The following STRN4 variants were observed in gnomAD, a reference collection of about 807,000 sequenced individuals.
The protein encoded by STRN4 is striatin 4.
STRN4 carries 27 observed loss-of-function variants against 77.9 expected under a neutral mutation model. The observed-to-expected ratio is 0.35, with a 90% CI of 0.26 to 0.48. STRN4 has a LOEUF of 0.48. STRN4 is among the 20% of genes least tolerant of loss of function. STRN4 has a pLI of 0.99. For missense variants in STRN4, 798 were observed against 1,049.7 expected, an observed-to-expected ratio of 0.76 and a Z score of 3.31; for synonymous variants, 466 against 443.1, an observed-to-expected ratio of 1.05 and a Z score of -0.65.
chr19:46,726,127 G>A (rs1004507298), intron 9 of STRN4: 2 of 162,632 alleles, frequency 1.2e-5, no homozygotes, highest in Non-Finnish European at 2.7e-5. Context: ...AGGCCCTGAG[G>A]CAGCAAGGGC....
At chr19:46,745,425 A>G (rs1247307322) in intron 1 of STRN4, among the ~76,000 whole-genome samples, 1 of 152,122 alleles carries the variant, frequency 6.6e-6, no homozygotes, top group Non-Finnish European at 1.5e-5. Flanking sequence ...AGGGGAAGGC[A>G]CACACCTTCA....
At position 46,720,523 on chromosome 19, in the gene STRN4, T is replaced by A; in HGVS notation, c.*66+13A>T. On this transcript the variant is annotated intron_variant, in intron 17 of 17. Transcript: ENST00000263280. ...GCGTGCAGAGACTCAGAATGCGGGG[T>A]TTCTGCCCTCACCTCAGCCCCACCT... 1 of 1,433,104 alleles carries A rather than the reference T, an allele frequency of 7.0e-7. No homozygotes were observed. The highest frequency in any genetic ancestry group is 9.2e-7 in the Non-Finnish European group (1 of 1,090,938). The allele number at this position is 1,433,104 out of a possible 1,614,324, so 88.8% of individuals were successfully genotyped here. A position where few individuals can be genotyped will look rare whatever the true frequency, so the allele number is the denominator to read the frequency against.
In STRN4 at chr19:46,738,170, C is replaced by T; in HGVS notation, c.454G>A (p.Glu152Lys). 1 of 1,614,190 alleles carries T rather than the reference C, an allele frequency of 6.2e-7. No homozygotes were observed. Among genetic ancestry groups the T allele is most frequent in the Non-Finnish European group, 8.5e-7 (1 of 1,180,006 alleles). ...AGCATCAGAGGGTGGGTACCTTGTT[C>T]TGACACATCTGCTTTCTTCTCCCCC... ...NQGEKKADVS[E>K]QVSNGPVESV... The change falls in exon 3 of 18, where the codon GAA (glutamate) becomes AAA (lysine). Residue 152 changes from glutamate (E) to lysine (K), a missense_variant. Transcript: ENST00000263280. This position sits in a 1 kb window ranked among gnomAD's most constrained non-coding sequence, Gnocchi z 4.5.
At chr19:46,722,487 C>G in intron 14 of STRN4, 147 bp from the exon 15 acceptor site, 2 of 878,964 alleles carry the variant, frequency 2.3e-6, no homozygotes, top group South Asian at 3.1e-5. Flanking sequence ...GGTCCCCGAC[C>G]GCAGCGCTGG....
At chr19:46,725,808 G>T in intron 9 of STRN4, 160 bp from the exon 10 acceptor site, 1 of 884,904 alleles carries the variant, frequency 1.1e-6, no homozygotes, top group Non-Finnish European at 1.7e-6. Flanking sequence ...CCCTTCCTCT[G>T]CTGGGCAGAG....
Position 46,725,484 on chromosome 19 carries a change from G to A in STRN4, c.1413C>T (p.Val471=). ...CTTGCTGCCCTCACTTCTTGGCCGT[G>A]ACCGCCTTCTGCAGGTTCCAGAGCT... ...TLKLWNLQKA[V]TAKKNAALDV... The change falls in exon 10 of 18, where the codon GTC becomes GTT. Residue 471 remains valine, a synonymous_variant. Transcript: ENST00000263280. The A allele has an allele frequency of 6.2e-7, 1 of 1,613,920 alleles. No homozygotes were observed.
chr19:46,730,041 G>A (rs1216717505), intron 6 of STRN4, among the ~76,000 whole-genome samples: 3 of 152,198 alleles, frequency 2.0e-5, no homozygotes, highest in East Asian at 1.9e-4. Flanking sequence ...CAAACACCAC[G>A]GATGATTCCT....
intron 16 of STRN4, 124 bp from the exon 17 acceptor site, chr19:46,720,895 ACCC>A (rs907517723): frequency 5.1e-6 from 6 of 1,169,022 alleles, no homozygotes; most frequent in Non-Finnish European, 6.8e-6. Context: ...CTCCTCTCTC[ACCC>A]TCTGCTCATC....
chr19:46,723,510 G>A lies in STRN4; in HGVS notation c.1595-226C>T, dbSNP rs2054031762. Among the ~76,000 whole-genome samples the A allele has an allele frequency of 6.6e-6, 1 of 152,174 alleles. No individual in the cohort carries two copies. Among genetic ancestry groups the A allele is most frequent in the African/African-American group, 2.4e-5 (1 of 41,450 alleles). On this transcript the variant is annotated intron_variant, in intron 12 of 17. Transcript: ENST00000263280. The surrounding 1 kb of genome is among the most constrained non-coding windows in gnomAD (Gnocchi z 5.5). ...AAGGTTCTAGGGCTCCAGAAGGCAG[G>A]GATTTCCCTCTATTCACAGCTGTCT...
chr19:46,738,014 G>A lies in STRN4; in HGVS notation c.460+150C>T, dbSNP rs1432655610. Reference sequence around the variant, plus strand: ...CCTGGCAGCCCATAGGGAGGGCTCTGAGAGTGAGATTCCGCCCCTCCCCAG... The same window carrying A: ...CCTGGCAGCCCATAGGGAGGGCTCTAAGAGTGAGATTCCGCCCCTCCCCAG... On this transcript the variant is annotated intron_variant, in intron 3 of 17. Transcript: ENST00000263280. This position sits in a 1 kb window ranked among gnomAD's most constrained non-coding sequence, Gnocchi z 4.5. 1.0e-5 allele frequency: 8 copies of A among 782,160 alleles called. No homozygotes were observed. Among genetic ancestry groups the A allele is most frequent in the East Asian group, 2.6e-5 (1 of 37,820 alleles). The allele number at this position is 782,160 out of a possible 1,614,324, so 48.5% of individuals were successfully genotyped here.
intron 3 of STRN4, 131 bp from the exon 4 acceptor site, chr19:46,737,032 G>A: frequency 1.4e-6 from 1 of 740,592 alleles, no homozygotes; most frequent in South Asian, 1.8e-5. Context: ...CTTCCTGAGT[G>A]TTGGAACCCT....
chr19:46,730,644 C>A, intron 6 of STRN4, 88 bp downstream of exon 6: 1 of 1,556,914 alleles, frequency 6.4e-7, no homozygotes, highest in Non-Finnish European at 8.7e-7. Context: ...GCACACACCG[C>A]AGCCCCTGAA....
intron 16 of STRN4, chr19:46,721,699 C>T (rs2053980850): frequency 5.1e-6 from 2 of 390,158 alleles, no homozygotes. Flanking sequence ...CTTCAATGGC[C>T]AAGTTACAAA....
Position 46,733,945 on chromosome 19 carries a change from A to C in STRN4, c.540-709T>G, listed in dbSNP as rs2054306742. ...TGGGGTATCTGTGGCTTCAAAATACAGCGACAACAGTCCCTTGCTACTCCT... is the reference window on the plus strand; with the variant it reads ...TGGGGTATCTGTGGCTTCAAAATACCGCGACAACAGTCCCTTGCTACTCCT... On this transcript the variant is annotated intron_variant, in intron 4 of 17. Transcript: ENST00000263280. This position sits in a 1 kb window ranked among gnomAD's most constrained non-coding sequence, Gnocchi z 4.3. 6.6e-6 allele frequency: 1 copy of C among 152,272 alleles called. No homozygotes were observed. Among genetic ancestry groups the C allele is most frequent in the African/African-American group, 2.4e-5 (1 of 41,458 alleles). The allele number at this position is 152,272 out of a possible 1,614,324, so 9.4% of individuals were successfully genotyped here.
chr19:46,738,703 GA>G lies in STRN4; in HGVS notation c.386+81del. 1 of 1,298,574 alleles carries G rather than the reference GA, an allele frequency of 7.7e-7. No individual in the cohort carries two copies. The highest frequency in any genetic ancestry group is 1.1e-6 in the Non-Finnish European group (1 of 895,966). The allele number at this position is 1,298,574 out of a possible 1,614,324, so 80.4% of individuals were successfully genotyped here. ...GTCGACCCCAAATCTCCCTTAGCTG[GA>G]AGGAGGCGTGGCTGGTGGCCTCCTG... is the stretch of plus-strand genomic sequence containing the variant. On this transcript the variant is annotated intron_variant, in intron 2 of 17. Coordinates refer to ENST00000263280, the MANE Select transcript of STRN4 (RefSeq NM_013403.3). This position sits in a 1 kb window ranked among gnomAD's most constrained non-coding sequence, Gnocchi z 4.5.
At chr19:46,726,519 G>A (rs2054119117) in intron 9 of STRN4, among the ~76,000 whole-genome samples, 1 of 151,904 alleles carries the variant, frequency 6.6e-6, no homozygotes, top group Admixed American at 6.6e-5. Context: ...AGAGAAAGAG[G>A]TTGAGAGGCC....
Position 46,733,171 on chromosome 19 carries a change from A to G in STRN4, c.605T>C (p.Leu202Pro). ...GTTGAGCTCCAGCGAGCGGCCCAGC[A>G]GGGAACGGACGCGCTTGGACCGCAT... Reference protein sequence around the residue: ...LDMRSKRVRSLLGRSLELNGA... With the variant: ...LDMRSKRVRSPLGRSLELNGA... The change falls in exon 5 of 18, where the codon CTG (leucine) becomes CCG (proline). Residue 202 changes from leucine (L) to proline (P), a missense_variant. Leu to Pro is a moderately conservative substitution (Grantham distance 98). Coordinates refer to ENST00000263280, the MANE Select transcript of STRN4 (RefSeq NM_013403.3). This position sits in a 1 kb window ranked among gnomAD's most constrained non-coding sequence, Gnocchi z 4.3. The G allele has an allele frequency of 6.2e-7, 1 of 1,611,788 alleles. No homozygotes were observed. Among genetic ancestry groups the G allele is most frequent in the Non-Finnish European group, 8.5e-7 (1 of 1,180,012 alleles).
chr19:46,742,558 CTTTT>C (rs1568407066), intron 1 of STRN4, among the ~76,000 whole-genome samples: 1 of 151,964 alleles, frequency 6.6e-6, no homozygotes, highest in Non-Finnish European at 1.5e-5. Flanking sequence ...TTCACTGTTT[CTTTT>C]TTTATTTTTA....
At chr19:46,729,263 C>A (rs1461515334) in intron 6 of STRN4, among the ~76,000 whole-genome samples, 4 of 152,198 alleles carry the variant, frequency 2.6e-5, no homozygotes, top group Non-Finnish European at 4.4e-5. Flanking sequence ...ACTTAACCCC[C>A]AACCCTGCGA....
Sources: gnomAD v4.1 joint callset for allele counts (sites outside exome capture counted in the v4.1 genomes callset) on GRCh38, gnomAD v4.1.1 for gene constraint, Gnocchi (gnomAD v3.1) non-coding constraint, MANE v1.5 for transcripts, NCBI Gene and HGNC (gene_info 2026-07-23, HGNC 2026-07-21) for gene names.